TMEM106B: variants seen among roughly 807,000 people sequenced by gnomAD.
TMEM106B encodes transmembrane protein 106B.
TMEM106B carries 15 observed loss-of-function variants against 31.1 expected under a neutral mutation model. The observed-to-expected ratio is 0.48, with a 90% CI of 0.32 to 0.74. The LOEUF (loss-of-function observed/expected upper bound fraction) is 0.74, where lower values mean the gene tolerates loss of function less well. TMEM106B is among the 30% of genes least tolerant of loss of function. The pLI is 0.03. For missense variants in TMEM106B, 283 were observed against 327.3 expected, an observed-to-expected ratio of 0.86 and a Z score of 1.04; for synonymous variants, 126 against 112.5, an observed-to-expected ratio of 1.12 and a Z score of -0.76.
rs1017071320 is a variant in TMEM106B at position 12,243,284 on chromosome 7, T to C, written c.*11309T>C. 6.6e-6 allele frequency: 1 copy of C among 152,072 alleles called. No homozygotes were observed. Among genetic ancestry groups the C allele is most frequent in the African/African-American group, 2.4e-5 (1 of 41,430 alleles). 9.4% of individuals were successfully genotyped at this position (152,072 alleles called of 1,614,324 possible). A position where few individuals can be genotyped will look rare whatever the true frequency, so the allele number is the denominator to read the frequency against. On this transcript the variant is annotated 3_prime_UTR_variant, in exon 8 of 8. Coordinates refer to ENST00000396668, the MANE Select transcript of TMEM106B (RefSeq NM_001134232.2). ...AGATTGTATGAACGATCACATTAAT[T>C]CATTTAAATAGTATGTATTTTGATA...
intron 3 of TMEM106B, among the ~76,000 whole-genome samples, chr7:12,221,122 G>A (rs1781777438): frequency 6.9e-6 from 1 of 145,812 alleles, no homozygotes; most frequent in Non-Finnish European, 1.5e-5. Flanking sequence ...CTGTATCTGT[G>A]TACATTTTTT....
chr7:12,223,115 G>C (rs992916404), intron 3 of TMEM106B, among the ~76,000 whole-genome samples: 3 of 152,098 alleles, frequency 2.0e-5, no homozygotes, highest in African/African-American at 7.2e-5. Context: ...CTGGTTTTGA[G>C]GTTAACCTTG....
intron 3 of TMEM106B, among the ~76,000 whole-genome samples, chr7:12,223,723 T>C (rs1781834316): frequency 1.6e-5 from 1 of 63,632 alleles, no homozygotes; most frequent in African/African-American, 6.2e-5. Context: ...ATGTGATTCC[T>C]TTTTTTTTTT....
In TMEM106B at chr7:12,239,703, G is replaced by A. The variant is rs1479144563; in HGVS notation, c.*7728G>A. On this transcript the variant is annotated 3_prime_UTR_variant, in exon 8 of 8. Transcript: ENST00000396668. ...TATTTTGTCTCAAGGAGAGAGGGAT[G>A]TGGGAACAGCTGGTTAGGAGAGCAG... is the stretch of plus-strand genomic sequence containing the variant. 1 of 152,150 alleles carries A rather than the reference G, an allele frequency of 6.6e-6. No homozygotes were observed. Among genetic ancestry groups the A allele is most frequent in the Admixed American group, 6.5e-5 (1 of 15,268 alleles). 9.4% of individuals were successfully genotyped at this position (152,150 alleles called of 1,614,324 possible).
chr7:12,218,525 A>G lies in TMEM106B; in HGVS notation c.281+4A>G. On this transcript the variant is annotated splice_donor_region_variant and intron_variant, in intron 3 of 7. Coordinates refer to ENST00000396668, the MANE Select transcript of TMEM106B (RefSeq NM_001134232.2). ...AGAGATTAAGGCCAAGAAGAACGTA[A>G]GTGATTCTAAGAATATGGCAGTGTT... 1 of 1,607,664 alleles carries G rather than the reference A, an allele frequency of 6.2e-7. No individual in the cohort carries two copies. The highest frequency in any genetic ancestry group is 8.5e-7 in the Non-Finnish European group (1 of 1,176,416).
intron 2 of TMEM106B, among the ~76,000 whole-genome samples, chr7:12,217,046 G>A (rs2128524398): frequency 6.6e-6 from 1 of 151,976 alleles, no homozygotes; most frequent in Non-Finnish European, 1.5e-5. Flanking sequence ...TTCTTTGTAA[G>A]ATAGAGTGAA....
In TMEM106B at chr7:12,229,809, A is replaced by T. The variant is rs1487309421; in HGVS notation, c.572A>T (p.Asp191Val). The change falls in exon 5 of 8, where the codon GAT becomes GTT. Residue 191 changes from aspartate to valine, a missense_variant. Coordinates refer to ENST00000396668, the MANE Select transcript of TMEM106B (RefSeq NM_001134232.2). ...LNNITIIGPL[D>V]MKQIDYTVPT... ...AACATAACCATTATTGGTCCACTTG[A>T]TATGAAACAAGTAAGAATCAATCAT... The T allele has an allele frequency of 6.2e-7, 1 of 1,601,966 alleles. No individual in the cohort carries two copies. Among genetic ancestry groups the T allele is most frequent in the Non-Finnish European group, 8.5e-7 (1 of 1,176,240 alleles).
At chr7:12,219,890 G>T (rs1159405963) in intron 3 of TMEM106B, among the ~76,000 whole-genome samples, 1 of 152,050 alleles carries the variant, frequency 6.6e-6, no homozygotes, top group Non-Finnish European at 1.5e-5. Context: ...CAAAGGAATA[G>T]AACTGGACAA....
intron 4 of TMEM106B, among the ~76,000 whole-genome samples, chr7:12,228,319 A>G (rs899557035): frequency 1.3e-5 from 2 of 151,810 alleles, no homozygotes; most frequent in African/African-American, 2.4e-5. Flanking sequence ...ACATATTCCT[A>G]TTAACATTTA....
At chr7:12,215,433 G>A (rs928407663) in intron 2 of TMEM106B, among the ~76,000 whole-genome samples, 2 of 148,754 alleles carry the variant, frequency 1.3e-5, no homozygotes, top group Non-Finnish European at 3.0e-5. Context: ...ATGAGATCTC[G>A]CAATTGTTGG....
intron 2 of TMEM106B, among the ~76,000 whole-genome samples, chr7:12,216,515 G>A (rs1263948603): frequency 6.6e-6 from 1 of 152,140 alleles, no homozygotes; most frequent in Non-Finnish European, 1.5e-5. Context: ...ATAAGGGTCA[G>A]GAATTCAATT....
At chr7:12,221,087 AGTGT>A (rs71027479) in intron 3 of TMEM106B, among the ~76,000 whole-genome samples, 2 of 150,058 alleles carry the variant, frequency 1.3e-5, no homozygotes, top group Admixed American at 6.6e-5. Context: ...AAGCAAGTAA[AGTGT>A]GTGTGTGTGT....
intron 6 of TMEM106B, 88 bp downstream of exon 6, chr7:12,230,526 C>T (rs539448274): frequency 4.3e-5 from 38 of 890,416 alleles, no homozygotes; most frequent in Middle Eastern, 3.3e-4. Context: ...TTTTAATTTC[C>T]GTTATCAGTC....
At chr7:12,230,463 T>C in intron 6 of TMEM106B, 25 bp downstream of exon 6, 3 of 1,420,374 alleles carry the variant, frequency 2.1e-6, no homozygotes, top group South Asian at 1.2e-5. Flanking sequence ...ATAATAACTT[T>C]TTATTGTCAA....
At chr7:12,214,048 A>C (rs1234384098) in intron 1 of TMEM106B, among the ~76,000 whole-genome samples, 1 of 152,186 alleles carries the variant, frequency 6.6e-6, no homozygotes, top group Non-Finnish European at 1.5e-5. Flanking sequence ...TCAAATCCCA[A>C]CCTGACTCTA....
intron 4 of TMEM106B, among the ~76,000 whole-genome samples, chr7:12,226,388 A>C (rs1350307269): frequency 2.0e-5 from 3 of 152,220 alleles, no homozygotes; most frequent in Non-Finnish European, 2.9e-5. Context: ...TCATGAAAAC[A>C]AAACAAACAA....
intron 3 of TMEM106B, among the ~76,000 whole-genome samples, chr7:12,221,621 G>A (rs73301046): frequency 0.047 from 7,227 of 152,244 alleles, 552 homozygotes; most frequent in African/African-American, 0.17. Context: ...AAACAAAGGA[G>A]ATAAGCCCTA....
In TMEM106B at chr7:12,237,761, A is replaced by C. The variant is rs1323245431; in HGVS notation, c.*5786A>C. 1 of 151,996 alleles carries C rather than the reference A, an allele frequency of 6.6e-6. No homozygotes were observed. Among genetic ancestry groups the C allele is most frequent in the Non-Finnish European group, 1.5e-5 (1 of 68,186 alleles). 9.4% of individuals were successfully genotyped at this position (151,996 alleles called of 1,614,324 possible). A position where few individuals can be genotyped will look rare whatever the true frequency, so the allele number is the denominator to read the frequency against. On this transcript the variant is annotated 3_prime_UTR_variant, in exon 8 of 8. Transcript: ENST00000396668. Reference sequence around the variant, plus strand: ...CAAGGTGGGAGGATCACCTGAGCCCAGAAGTTCAAGACCAAATTGGTCAAC... The same window carrying C: ...CAAGGTGGGAGGATCACCTGAGCCCCGAAGTTCAAGACCAAATTGGTCAAC...
At chr7:12,217,639 C>A (rs1242497736) in intron 2 of TMEM106B, among the ~76,000 whole-genome samples, 1 of 152,028 alleles carries the variant, frequency 6.6e-6, no homozygotes, top group Non-Finnish European at 1.5e-5. Context: ...TATGTAAACA[C>A]ACAAAGATAC....
Sources: allele counts gnomAD v4.1 joint callset (sites outside exome capture counted in the v4.1 genomes callset), GRCh38; gene constraint gnomAD v4.1.1; transcripts MANE v1.5; gene names NCBI Gene and HGNC (gene_info 2026-07-23, HGNC 2026-07-21).